The following BANP variants were observed in gnomAD, a reference collection of about 807,000 sequenced individuals.
BANP encodes protein BANP.
Under a neutral mutation model 68.1 loss-of-function variants are expected in BANP, and 11 were observed. The ratio of observed to expected loss-of-function variants is 0.16; its 90% CI spans 0.10 to 0.27. The LOEUF is 0.27. Among genes scored for constraint, BANP ranks in the 10% least tolerant of loss-of-function variants. The pLI is 1.00. For synonymous variants in BANP, 329 were observed against 303.2 expected, an observed-to-expected ratio of 1.09 and a Z score of -0.88; for missense variants, 504 against 722.7, an observed-to-expected ratio of 0.70 and a Z score of 3.47.
intron 11 of BANP, among the ~76,000 whole-genome samples, chr16:88,055,632 C>T (rs1475227346): frequency 6.6e-6 from 1 of 151,892 alleles, no homozygotes; most frequent in Admixed American, 6.5e-5. Context: ...TTGGAGAGAG[C>T]GAGGAGAAGG....
chr16:88,045,326 T>C (rs1403772564), intron 11 of BANP, among the ~76,000 whole-genome samples: 1 of 152,234 alleles, frequency 6.6e-6, no homozygotes, highest in Non-Finnish European at 1.5e-5. Context: ...CAGCTGTCCA[T>C]GCCCCTCTAC....
intron 7 of BANP, among the ~76,000 whole-genome samples, 166 bp from the exon 8 acceptor site, chr16:88,027,317 T>G (rs1291413662): frequency 6.6e-6 from 1 of 152,184 alleles, no homozygotes; most frequent in Non-Finnish European, 1.5e-5. Context: ...CTAAGCACCT[T>G]CTGTGCAGTG....
At chr16:88,037,243 TATCC>T (rs1423546406) in intron 10 of BANP, 1 of 152,264 alleles carries the variant, frequency 6.6e-6, no homozygotes, top group Non-Finnish European at 1.5e-5. Context: ...TTATTAGTTT[TATCC>T]ATCAGTTTTC....
intron 11 of BANP, among the ~76,000 whole-genome samples, chr16:88,058,844 C>G (rs1437035138): frequency 1.3e-5 from 2 of 152,078 alleles, no homozygotes; most frequent in East Asian, 3.9e-4. Flanking sequence ...TAGACAATCT[C>G]TTATTTATAA....
intron 1 of BANP, among the ~76,000 whole-genome samples, chr16:87,969,695 T>C (rs2145494363): frequency 6.7e-6 from 1 of 149,596 alleles, no homozygotes; most frequent in East Asian, 2.0e-4. Flanking sequence ...GCCATCCCCG[T>C]CTAATTTTTT....
intron 1 of BANP, among the ~76,000 whole-genome samples, chr16:87,954,839 G>T (rs539946936): frequency 3.5e-4 from 54 of 152,334 alleles, no homozygotes; most frequent in African/African-American, 1.3e-3. Flanking sequence ...TCACCCGTAC[G>T]GCCAGTCACT....
At chr16:87,995,465 A>C (rs980644080) in intron 4 of BANP, among the ~76,000 whole-genome samples, 1 of 152,232 alleles carries the variant, frequency 6.6e-6, no homozygotes, top group African/African-American at 2.4e-5. Flanking sequence ...ATTTTTTCCT[A>C]ATAAGTAGAA....
At chr16:88,015,324 GCCCTCTGCCCGT>G (rs1206688900) in intron 6 of BANP, among the ~76,000 whole-genome samples, 4 of 143,144 alleles carry the variant, frequency 2.8e-5, no homozygotes, top group East Asian at 2.1e-4. Context: ...CTCAGCTCGT[GCCCTCTGCCCGT>G]CCCTCTGCCA....
At chr16:87,997,303 A>G (rs1221616156) in intron 4 of BANP, among the ~76,000 whole-genome samples, 3 of 152,120 alleles carry the variant, frequency 2.0e-5, no homozygotes, top group Non-Finnish European at 4.4e-5. Flanking sequence ...CAGTTAAAAA[A>G]CTCAAACACT....
chr16:87,983,366 G>T (rs1273293921), intron 3 of BANP, among the ~76,000 whole-genome samples: 1 of 152,186 alleles, frequency 6.6e-6, no homozygotes, highest in African/African-American at 2.4e-5. Flanking sequence ...GCTCATGGTG[G>T]CTCCTGGCTG....
At chr16:88,048,352 C>T (rs565685840) in intron 11 of BANP, among the ~76,000 whole-genome samples, 45 of 152,080 alleles carry the variant, frequency 3.0e-4, no homozygotes, top group African/African-American at 9.9e-4. Context: ...AGCGCAGACA[C>T]GATATGGGAG....
intron 8 of BANP, among the ~76,000 whole-genome samples, chr16:88,032,060 C>T (rs187084688): frequency 2.2e-4 from 33 of 152,254 alleles, no homozygotes; most frequent in Admixed American, 2.6e-4. Flanking sequence ...CCGCCTTGGC[C>T]TCCCAAAGTG....
intron 11 of BANP, among the ~76,000 whole-genome samples, chr16:88,048,503 G>A (rs139749088): frequency 2.1e-3 from 321 of 151,170 alleles, no homozygotes; most frequent in African/African-American, 7.2e-3. Context: ...TCGAGTCGGC[G>A]CTCACCACGG....
chr16:88,016,688 A>G (rs994213382), intron 6 of BANP, among the ~76,000 whole-genome samples: 15 of 151,758 alleles, frequency 9.9e-5, no homozygotes, highest in African/African-American at 3.6e-4. Context: ...TTGCCATGAG[A>G]CTCCACCCAT....
At position 88,003,408 on chromosome 16, in the gene BANP, A is replaced by C; in HGVS notation, c.363-887A>C. The C allele has an allele frequency of 2.2e-6, 1 of 455,762 alleles. No homozygotes were observed. The highest frequency in any genetic ancestry group is 1.6e-5 in the South Asian group (1 of 64,482). The allele number at this position is 455,762 out of a possible 1,614,324, so 28.2% of individuals were successfully genotyped here. A position where few individuals can be genotyped will look rare whatever the true frequency, so the allele number is the denominator to read the frequency against. On this transcript the variant is annotated intron_variant, in intron 4 of 13. Transcript: ENST00000682872. The surrounding 1 kb of genome is among the most constrained non-coding windows in gnomAD (Gnocchi z 6.1). ...TTCCCAGGTTGGTTTTTGGAGAGTG[A>C]AATCCAAGAATGGAGTTTTATTGTC... is the stretch of plus-strand genomic sequence containing the variant.
At position 88,072,139 on chromosome 16, in the gene BANP, C is replaced by G. The variant is rs774126415; in HGVS notation, c.1448C>G (p.Pro483Arg). 3 of 1,610,872 alleles carry G rather than the reference C, an allele frequency of 1.9e-6. No individual in the cohort carries two copies. In the East Asian group the frequency reaches 6.7e-5, roughly 36 times the overall value. The part of the protein sequence containing the change: ...DPAAAGVDGS[P>R]LQGSDIQVQY... ...GCGGCGGCGGGCGTGGATGGGTCGCCACTCCAGGGCAGCGACATCCAGGTT... is the reference window on the plus strand; with the variant it reads ...GCGGCGGCGGGCGTGGATGGGTCGCGACTCCAGGGCAGCGACATCCAGGTT... Residue 483 changes from proline (P) to arginine (R), a missense_variant, in exon 13 of 14, where the codon CCA (proline) becomes CGA (arginine). Pro to Arg is a moderately radical substitution (Grantham distance 103, BLOSUM62 -2). Around this residue, in one of 3 missense-constraint regions of BANP, gnomAD observed 223 missense variants for 246.2 expected, o/e 0.91. Coordinates refer to ENST00000682872, the MANE Select transcript of BANP (RefSeq NM_001386991.1).
rs767298280 is a variant in BANP at position 88,003,497 on chromosome 16, C to T, written c.363-798C>T. ...CTCTCCCCAGCCTTCCACAACAAAG[C>T]GGACCTTAGATATCCCTTGTGACCA... is the stretch of plus-strand genomic sequence containing the variant. On this transcript the variant is annotated intron_variant, in intron 4 of 13. Transcript: ENST00000682872. This position sits in a 1 kb window ranked among gnomAD's most constrained non-coding sequence, Gnocchi z 6.1. 31 of 456,298 alleles carry T rather than the reference C, an allele frequency of 6.8e-5. No homozygotes were observed. The highest frequency in any genetic ancestry group is 1.4e-4 in the Admixed American group (6 of 42,576). The allele number at this position is 456,298 out of a possible 1,614,324, so 28.3% of individuals were successfully genotyped here.
chr16:88,033,153 C>G lies in BANP; in HGVS notation c.1108C>G (p.Pro370Ala). The change falls in exon 9 of 14, where the codon CCA becomes GCA. Residue 370 changes from proline (P) to alanine (A), a missense_variant. This residue lies in a region of BANP where 223 missense variants were observed against 246.2 expected (regional missense o/e 0.91). Transcript: ENST00000682872. ...ACCTCCTGCCAGCGAGCTCCCGCAG[C>G]CACAGCCGCAGCCGCAGGCCCTGCA... ...TPPPASELPQ[P>A]QPQPQALHYA... 1.2e-6 allele frequency: 2 copies of G among 1,610,116 alleles called. No individual in the cohort carries two copies. Among genetic ancestry groups the G allele is most frequent in the Non-Finnish European group, 1.7e-6 (2 of 1,177,148 alleles).
chr16:88,049,434 G>C (rs1172499918), intron 11 of BANP, among the ~76,000 whole-genome samples: 1 of 152,192 alleles, frequency 6.6e-6, no homozygotes, highest in African/African-American at 2.4e-5. Flanking sequence ...TGGACCAGCT[G>C]CCTGGAAGCT....
Sources: gnomAD v4.1 joint callset for allele counts (sites outside exome capture counted in the v4.1 genomes callset) on GRCh38, gnomAD v4.1.1 for gene constraint, gnomAD v4.1.1 regional missense constraint, Gnocchi (gnomAD v3.1) non-coding constraint, MANE v1.5 for transcripts, NCBI Gene and HGNC (gene_info 2026-07-23, HGNC 2026-07-21) for gene names.